CPSF6: variants seen among roughly 807,000 people sequenced by gnomAD.
The protein encoded by CPSF6 is cleavage and polyadenylation specific factor 6.
CPSF6 carries 10 observed loss-of-function variants against 56.7 expected under a neutral mutation model. The ratio of observed to expected loss-of-function variants is 0.18; its 90% confidence interval spans 0.11 to 0.30. The LOEUF is 0.30. Among genes scored for constraint, CPSF6 ranks in the 10% least tolerant of loss-of-function variants. The pLI is 1.00. For missense variants in CPSF6, 419 were observed against 722.9 expected, an observed-to-expected ratio of 0.58 and a Z score of 4.82; for synonymous variants, 248 against 244.8, an observed-to-expected ratio of 1.01 and a Z score of -0.12.
chr12:69,267,889 A>G (rs1217418181), intron 9 of CPSF6, among the ~76,000 whole-genome samples: 2 of 151,850 alleles, frequency 1.3e-5, no homozygotes, highest in Non-Finnish European at 3.0e-5. Context: ...TAAAAATAGT[A>G]TAATTCTCCA....
rs561820384 is a variant in CPSF6, at chr12:69,244,313, G to A, written c.60+4607G>A. On this transcript the variant is annotated intron_variant, in intron 1 of 9. Coordinates refer to ENST00000435070, the MANE Select transcript of CPSF6 (RefSeq NM_007007.3). The stretch of plus-strand genomic sequence containing the variant: ...TGCAGTGGCGCGATCTTGGCTCACC[G>A]CAACCTCTGCCTCCTGGGTTCAAGC... 2.6e-4 allele frequency among the ~76,000 whole-genome samples: 40 copies of A among 152,076 alleles called. No individual in the cohort carries two copies. In the East Asian group the frequency reaches 6.2e-3, roughly 24 times the overall value.
intron 1 of CPSF6, among the ~76,000 whole-genome samples, chr12:69,243,789 C>T (rs1352688990): frequency 2.0e-5 from 3 of 152,184 alleles, no homozygotes; most frequent in Admixed American, 2.0e-4. Context: ...ACTCAGGCTA[C>T]ACTAAATTTA....
At chr12:69,259,659 A>G (rs1694026226) in intron 7 of CPSF6, 116 bp downstream of exon 7, 4 of 876,278 alleles carry the variant, frequency 4.6e-6, no homozygotes, top group Non-Finnish European at 5.1e-6. Flanking sequence ...TTATATTCCC[A>G]AATCATTACC....
chr12:69,244,148 C>T (rs1871767573), intron 1 of CPSF6, among the ~76,000 whole-genome samples: 1 of 152,102 alleles, frequency 6.6e-6, no homozygotes, highest in African/African-American at 2.4e-5. Context: ...TTGGACTCTT[C>T]AATAATAACA....
chr12:69,274,031 A>C lies in CPSF6; in HGVS notation c.*4523A>C, dbSNP rs1278331432. 1.3e-5 allele frequency: 2 copies of C among 150,940 alleles called. No individual in the cohort carries two copies. Among genetic ancestry groups the C allele is most frequent in the Admixed American group, 6.6e-5 (1 of 15,106 alleles). 9.4% of individuals were successfully genotyped at this position (150,940 alleles called of 1,614,324 possible). ...TCAGAAGGCCAAAGAAAGTCTTAAA[A>C]TTTTAGCTATTGACTCTATGGTGAC... On this transcript the variant is annotated 3_prime_UTR_variant, in exon 10 of 10. Transcript: ENST00000435070.
Position 69,258,532 on chromosome 12 carries a change from G to A in CPSF6, c.695-58G>A, listed in dbSNP as rs1229315177. The A allele has an allele frequency of 3.3e-6, 5 of 1,506,634 alleles. No homozygotes were observed. The highest frequency in any genetic ancestry group is 4.5e-5 in the East Asian group (2 of 44,110). 93.3% of individuals were successfully genotyped at this position (1,506,634 alleles called of 1,614,324 possible). On this transcript the variant is annotated intron_variant, in intron 5 of 9. Coordinates refer to ENST00000435070, the MANE Select transcript of CPSF6 (RefSeq NM_007007.3). The surrounding 1 kb of genome is among the most constrained non-coding windows in gnomAD (Gnocchi z 4.2). ...TAAAGTATAATCTTGGCATATAAAA[G>A]TTAAAATATCTTATTAGTGAAGTGT...
chr12:69,255,378 G>T (rs1334487029), intron 3 of CPSF6, among the ~76,000 whole-genome samples: 3 of 152,132 alleles, frequency 2.0e-5, no homozygotes, highest in Admixed American at 1.3e-4. Context: ...TGTATTTTCA[G>T]TTCTGTTGGA....
intron 1 of CPSF6, among the ~76,000 whole-genome samples, chr12:69,244,022 A>T (rs1267932341): frequency 2.6e-5 from 4 of 151,956 alleles, no homozygotes; most frequent in African/African-American, 9.7e-5. Context: ...TTTTGTAGGG[A>T]TGAGGTCCCA....
intron 8 of CPSF6, among the ~76,000 whole-genome samples, chr12:69,262,068 CCTTT>C (rs1287186991): frequency 6.6e-6 from 1 of 152,118 alleles, no homozygotes; most frequent in African/African-American, 2.4e-5. Flanking sequence ...TTTCCCTTTA[CCTTT>C]CTATTTGTGC....
chr12:69,251,830 T>C (rs1250663583), intron 2 of CPSF6, among the ~76,000 whole-genome samples: 2 of 152,230 alleles, frequency 1.3e-5, no homozygotes, highest in African/African-American at 4.8e-5. Flanking sequence ...TATTATATTT[T>C]AATTTGGGTT....
chr12:69,259,935 T>C, intron 7 of CPSF6, 109 bp from the exon 8 acceptor site: 3 of 1,114,830 alleles, frequency 2.7e-6, no homozygotes, highest in Non-Finnish European at 3.9e-6. Flanking sequence ...ATAGTTATTT[T>C]ATAGCACAGT....
At chr12:69,248,988 TGTAATCCCA>T (rs1479182513) in intron 1 of CPSF6, among the ~76,000 whole-genome samples, 3 of 152,014 alleles carry the variant, frequency 2.0e-5, no homozygotes, top group Non-Finnish European at 4.4e-5. Context: ...GGCTCACACC[TGTAATCCCA>T]GCACTTTGGG....
rs1025807460 is a variant in CPSF6, at chr12:69,271,972, A to G, written c.*2464A>G. 1 of 151,724 alleles carries G rather than the reference A, an allele frequency of 6.6e-6. No individual in the cohort carries two copies. The highest frequency in any genetic ancestry group is 1.5e-5 in the Non-Finnish European group (1 of 67,666). The allele number at this position is 151,724 out of a possible 1,614,324, so 9.4% of individuals were successfully genotyped here. ...GAAAACAAACGAGTTGAATTTTAAA[A>G]CATAGCATTTATTAGTGCTATACAG... On this transcript the variant is annotated 3_prime_UTR_variant, in exon 10 of 10. Transcript: ENST00000435070.
At chr12:69,244,402 T>G (rs1871782231) in intron 1 of CPSF6, among the ~76,000 whole-genome samples, 2 of 152,042 alleles carry the variant, frequency 1.3e-5, no homozygotes, top group Non-Finnish European at 2.9e-5. Context: ...TATTGTATTT[T>G]TAGTAAGAGA....
At chr12:69,246,359 G>T (rs926417536) in intron 1 of CPSF6, among the ~76,000 whole-genome samples, 3 of 152,192 alleles carry the variant, frequency 2.0e-5, no homozygotes, top group African/African-American at 4.8e-5. Flanking sequence ...AAGCTGTCAG[G>T]TTGAGAATGA....
At chr12:69,261,132 G>A (rs1872725348) in intron 8 of CPSF6, among the ~76,000 whole-genome samples, 1 of 151,982 alleles carries the variant, frequency 6.6e-6, no homozygotes, top group African/African-American at 2.4e-5. Flanking sequence ...TGTCTTTAGT[G>A]TACTCTATCT....
chr12:69,249,028 C>T lies in CPSF6; in HGVS notation c.61-2101C>T, dbSNP rs766989111. ...TTGGGAGGCCGAGGCGGGCGGATCACGAGGTCAGGAGATCAAGACCATCCT... is the reference window on the plus strand; with the variant it reads ...TTGGGAGGCCGAGGCGGGCGGATCATGAGGTCAGGAGATCAAGACCATCCT... On this transcript the variant is annotated intron_variant, in intron 1 of 9. Coordinates refer to ENST00000435070, the MANE Select transcript of CPSF6 (RefSeq NM_007007.3). Among the ~76,000 whole-genome samples, 60 of 151,614 alleles carry T rather than the reference C, an allele frequency of 4.0e-4. 1 individual carries two copies. In the Middle Eastern group the frequency reaches 0.01, roughly 26 times the overall value.
Position 69,259,068 on chromosome 12 carries a change from T to A in CPSF6, c.1173T>A (p.Asp391Glu), listed in dbSNP as rs144639212. 1 of 1,602,394 alleles carries A rather than the reference T, an allele frequency of 6.2e-7. No homozygotes were observed. The highest frequency in any genetic ancestry group is 8.5e-7 in the Non-Finnish European group (1 of 1,179,646). Residue 391 changes from aspartate (D) to glutamate (E), a missense_variant, in exon 6 of 10, where the codon GAT (aspartate) becomes GAA (glutamate). Physicochemically the swap from Asp to Glu is conservative, Grantham distance 45. Around this residue, in one of 4 missense-constraint regions of CPSF6, gnomAD observed 211 missense variants for 296.0 expected, o/e 0.71. Transcript: ENST00000435070. ...TDPYGRPPPY[D>E]RGDYGPPGRE... ...CATATGGGCGACCTCCACCATATGA[T>A]AGGGGTGACTATGGCCCCCCTGGAA...
rs575747500 is a variant in CPSF6 at position 69,241,022 on chromosome 12, A to G, written c.60+1316A>G. On this transcript the variant is annotated intron_variant, in intron 1 of 9. Transcript: ENST00000435070. ...TGTGGTTTTCCCACCTCCATTAACC[A>G]TCATATTCGTGACTAGTTGCTCAGG... Among the ~76,000 whole-genome samples the G allele has an allele frequency of 7.2e-5, 11 of 152,330 alleles. No individual in the cohort carries two copies. In the South Asian group the frequency reaches 2.3e-3, roughly 32 times the overall value.
Sources: gnomAD v4.1 joint callset for allele counts (sites outside exome capture counted in the v4.1 genomes callset) on GRCh38, gnomAD v4.1.1 for gene constraint, gnomAD v4.1.1 regional missense constraint, Gnocchi (gnomAD v3.1) non-coding constraint, MANE v1.5 for transcripts, NCBI Gene and HGNC (gene_info 2026-07-23, HGNC 2026-07-21) for gene names.